E2F3: variants seen among roughly 807,000 people sequenced by gnomAD.
E2F3 encodes E2F transcription factor 3, also known as transcription factor E2F3.
In E2F3, 11 loss-of-function variants were observed where a neutral mutation model predicts 44.4. That is an observed-to-expected ratio of 0.25 (90% CI 0.16 to 0.41). E2F3 has a LOEUF of 0.41. Ranked by LOEUF, E2F3 falls within the 10% of genes least tolerant of loss-of-function variation. E2F3 has a pLI of 1.00. For synonymous variants in E2F3, 249 were observed against 253.0 expected (o/e 0.98, Z 0.15); for missense variants, 487 against 583.6 (o/e 0.83, Z 1.70).
intron 1 of E2F3, among the ~76,000 whole-genome samples, chr6:20,447,920 G>A (rs1381007323): frequency 6.6e-6 from 1 of 152,094 alleles, no homozygotes; most frequent in Non-Finnish European, 1.5e-5. Context: ...GCCCAGAGAG[G>A]GCAGGTGACT....
At chr6:20,470,490 G>A (rs963497667) in intron 1 of E2F3, among the ~76,000 whole-genome samples, 4 of 152,140 alleles carry the variant, frequency 2.6e-5, no homozygotes, top group African/African-American at 9.7e-5. Context: ...TAACCTAATG[G>A]CCAGAGTCCA....
intron 1 of E2F3, among the ~76,000 whole-genome samples, chr6:20,451,649 G>A (rs1458339056): frequency 2.0e-5 from 3 of 152,080 alleles, no homozygotes; most frequent in Non-Finnish European, 4.4e-5. Flanking sequence ...GTTTTCAAGG[G>A]GAATGCTTCC....
intron 1 of E2F3, chr6:20,403,904 T>A: frequency 1.0e-6 from 1 of 980,354 alleles, no homozygotes; most frequent in Non-Finnish European, 1.5e-6. Flanking sequence ...GCTGAAGCGG[T>A]GAGGGTAGGC....
intron 1 of E2F3, among the ~76,000 whole-genome samples, chr6:20,447,322 A>ATGTGTG (rs546318899): frequency 8.6e-5 from 13 of 151,074 alleles, no homozygotes; most frequent in African/African-American, 2.4e-4. Flanking sequence ...TGGGATGTGT[A>ATGTGTG]TGTGTGTGTG....
intron 1 of E2F3, among the ~76,000 whole-genome samples, chr6:20,466,665 T>G (rs1446081532): frequency 6.7e-6 from 1 of 150,050 alleles, no homozygotes. Flanking sequence ...TTTCCTCTGT[T>G]TCATCCCTAT....
chr6:20,476,126 C>A (rs1174329064), intron 1 of E2F3, among the ~76,000 whole-genome samples: 1 of 152,046 alleles, frequency 6.6e-6, no homozygotes, highest in Non-Finnish European at 1.5e-5. Flanking sequence ...AATCCCAGCA[C>A]TTGAGGAGGC....
intron 1 of E2F3, among the ~76,000 whole-genome samples, chr6:20,464,058 G>T (rs762234455): frequency 6.6e-6 from 1 of 152,204 alleles, no homozygotes; most frequent in East Asian, 1.9e-4. Context: ...AGGTATGGGG[G>T]CAGGAGTGTG....
intron 1 of E2F3, chr6:20,403,923 G>C: frequency 1.2e-6 from 1 of 813,648 alleles, no homozygotes; most frequent in Non-Finnish European, 1.8e-6. Flanking sequence ...GCGGTTGAGC[G>C]GGGTTTTGGA....
intron 1 of E2F3, among the ~76,000 whole-genome samples, chr6:20,457,920 A>T (rs1409565987): frequency 6.6e-6 from 1 of 152,138 alleles, no homozygotes. Flanking sequence ...AGTATTATCA[A>T]GTTTGTATAT....
chr6:20,490,396 A>C lies in E2F3; in HGVS notation c.1364A>C (p.Lys455Thr). The change falls in exon 7 of 7, where the codon AAG becomes ACG. Residue 455 changes from lysine to threonine, a missense_variant. Around this residue, in one of 3 missense-constraint regions of E2F3, gnomAD observed 220 missense variants for 261.7 expected, o/e 0.84. Coordinates refer to ENST00000346618, the MANE Select transcript of E2F3 (RefSeq NM_001949.5). The surrounding 1 kb of genome is among the most constrained non-coding windows in gnomAD (Gnocchi z 4.3). Reference protein sequence around the residue: ...SDLFDAYDLEKLPLVEDFMCS With the variant: ...SDLFDAYDLETLPLVEDFMCS ...CTCTTCGATGCTTACGATTTGGAAA[A>C]GCTCCCACTGGTGGAAGACTTCATG... is the stretch of plus-strand genomic sequence containing the variant. 4 of 1,601,124 alleles carry C rather than the reference A, an allele frequency of 2.5e-6. No homozygotes were observed. Among genetic ancestry groups the C allele is most frequent in the Non-Finnish European group, 3.4e-6 (4 of 1,172,896 alleles).
Position 20,488,188 on chromosome 6 carries a change from A to C in E2F3, c.1075A>C (p.Ser359Arg), listed in dbSNP as rs186546936. The change falls in exon 6 of 7, where the codon AGT (serine) becomes CGT (arginine). Residue 359 changes from serine (S) to arginine (R), a missense_variant. Coordinates refer to ENST00000346618, the MANE Select transcript of E2F3 (RefSeq NM_001949.5). ...ATGTCCAGAAGAGACTGAAACACAC[A>C]GTCCAATGAAAACAAACAACCAAGA... ...YLCPEETETH[S>R]PMKTNNQDHN... 2.1e-4 allele frequency: 346 copies of C among 1,612,376 alleles called. 1 individual carries two copies. Among genetic ancestry groups the C allele is most frequent in the Non-Finnish European group, 1.4e-5 (17 of 1,179,628 alleles).
intron 1 of E2F3, among the ~76,000 whole-genome samples, chr6:20,439,675 G>A (rs1760707786): frequency 6.6e-6 from 1 of 152,140 alleles, no homozygotes; most frequent in African/African-American, 2.4e-5. Context: ...AGGACTAGGT[G>A]CATGCCACCA....
rs761302377 is a variant in E2F3, at chr6:20,482,784, G to A, written c.748G>A (p.Gly250Arg). Residue 250 changes from glycine to arginine, a missense_variant, in exon 4 of 7, where the codon GGG becomes AGG. Transcript: ENST00000346618. ...QWMGCSLSED[G>R]GMLAQCQGLS... ...TAGGGGCTGCAGTCTGTCTGAGGAT[G>A]GGGGCATGCTGGCCCAGTGTCAAGG... 5 of 1,611,340 alleles carry A rather than the reference G, an allele frequency of 3.1e-6. No homozygotes were observed. The highest frequency in any genetic ancestry group is 4.2e-6 in the Non-Finnish European group (5 of 1,178,832).
chr6:20,479,788 TC>T, intron 1 of E2F3, 57 bp from the exon 2 acceptor site: 1 of 1,490,192 alleles, frequency 6.7e-7, no homozygotes, highest in Non-Finnish European at 9.2e-7. Context: ...ACAAACTGCC[TC>T]CCTTCTTGTT....
chr6:20,459,978 G>A (rs1285550309), intron 1 of E2F3, among the ~76,000 whole-genome samples: 1 of 152,200 alleles, frequency 6.6e-6, no homozygotes, highest in African/African-American at 2.4e-5. Context: ...TTGGGGAAGT[G>A]GAGAACTGAT....
At position 20,403,710 on chromosome 6, in the gene E2F3, C is replaced by T. The variant is rs951985541; in HGVS notation, c.393+1085C>T. On this transcript the variant is annotated intron_variant, in intron 1 of 6. Transcript: ENST00000346618. The stretch of plus-strand genomic sequence containing the variant: ...ACCCTCCCTCTCCTCTCCCCACCCC[C>T]CCACCGGCGCCCGCCCTCGCCCTGC... 1.2e-4 allele frequency: 108 copies of T among 865,394 alleles called. 1 individual carries two copies. The East Asian group carries it at 1.5e-3, about 12-fold the overall frequency. The allele number at this position is 865,394 out of a possible 1,614,324, so 53.6% of individuals were successfully genotyped here.
chr6:20,405,600 G>A (rs1188124366), intron 1 of E2F3, among the ~76,000 whole-genome samples: 4 of 152,140 alleles, frequency 2.6e-5, no homozygotes, highest in Non-Finnish European at 5.9e-5. Context: ...CGAGGGGGGC[G>A]GATCACGCGG....
chr6:20,490,982 C>CT lies in E2F3; in HGVS notation c.*552_*553insT, dbSNP rs1396941441. ...TTCTTAGGAATATTTAAATTACTGT[C>CT]ATAATTCAGTTTAAGCTATGAACTG... On this transcript the variant is annotated 3_prime_UTR_variant, in exon 7 of 7. Transcript: ENST00000346618. The surrounding 1 kb of genome is among the most constrained non-coding windows in gnomAD (Gnocchi z 4.3). 1 of 229,452 alleles carries CT rather than the reference C, an allele frequency of 4.4e-6. No homozygotes were observed. Among genetic ancestry groups the CT allele is most frequent in the East Asian group, 6.2e-5 (1 of 16,182 alleles). The allele number at this position is 229,452 out of a possible 1,614,324, so 14.2% of individuals were successfully genotyped here.
At chr6:20,471,661 C>T (rs781527156) in intron 1 of E2F3, among the ~76,000 whole-genome samples, 1 of 152,172 alleles carries the variant, frequency 6.6e-6, no homozygotes, top group African/African-American at 2.4e-5. Context: ...TTTTAATAGA[C>T]AAACCCTAGA....
Sources: gnomAD v4.1 joint callset for allele counts (sites outside exome capture counted in the v4.1 genomes callset) on GRCh38, gnomAD v4.1.1 for gene constraint, gnomAD v4.1.1 regional missense constraint, Gnocchi (gnomAD v3.1) non-coding constraint, MANE v1.5 for transcripts, NCBI Gene and HGNC (gene_info 2026-07-23, HGNC 2026-07-21) for gene names.